Variants in ADRA1A observed in about 807,000 individuals in gnomAD.
The protein encoded by ADRA1A is alpha-1A adrenergic receptor.
ADRA1A carries 31 observed loss-of-function variants against 29.6 expected under a neutral mutation model. The observed-to-expected ratio is 1.05, with a 90% CI of 0.79 to 1.41. The LOEUF is 1.41. Among genes scored for constraint, ADRA1A ranks in the 40% most tolerant of loss-of-function variants. The pLI, the probability that ADRA1A is intolerant of heterozygous loss-of-function variation, is 0.00. For synonymous variants in ADRA1A, 311 were observed against 254.3 expected (o/e 1.22, Z -2.12); for missense variants, 619 against 601.1 (o/e 1.03, Z -0.31).
rs368076497 is a variant in ADRA1A at position 26,851,527 on chromosome 8, C to A, written c.883+12560G>T. Among the ~76,000 whole-genome samples the A allele has an allele frequency of 1.6e-4, 25 of 152,222 alleles. No individual in the cohort carries two copies. In the South Asian group the frequency reaches 5.2e-3, roughly 32 times the overall value. On this transcript the variant is annotated intron_variant, in intron 2 of 2. Coordinates refer to ENST00000380573, the MANE Select transcript of ADRA1A (RefSeq NM_000680.4). ...GTTAAATCCTTATTAAGGACAAATA[C>A]CCATATTAGAAACATGGATTATGAG...
intron 2 of ADRA1A, among the ~76,000 whole-genome samples, chr8:26,794,289 T>C (rs1808036499): frequency 6.6e-6 from 1 of 152,138 alleles, no homozygotes; most frequent in African/African-American, 2.4e-5. Flanking sequence ...TTTATCTGTC[T>C]CTTCATTGTT....
At chr8:26,758,622 G>A (rs894916887) in intron 2 of ADRA1A, among the ~76,000 whole-genome samples, 1 of 152,188 alleles carries the variant, frequency 6.6e-6, no homozygotes, top group African/African-American at 2.4e-5. Context: ...ACAGAGATGG[G>A]AACTGCAATG....
At position 26,796,065 on chromosome 8, in the gene ADRA1A, C is replaced by T. The variant is rs1808171184; in HGVS notation, c.884-25399G>A. On this transcript the variant is annotated intron_variant, in intron 2 of 2. Transcript: ENST00000380573. The surrounding 1 kb of genome is among the most constrained non-coding windows in gnomAD (Gnocchi z 5.0). Reference sequence around the variant, plus strand: ...ATAATAGTATTATTGTTATACATTTCAAAAAAAGAGTAATGTTTAGAAGTA... The same window carrying T: ...ATAATAGTATTATTGTTATACATTTTAAAAAAAGAGTAATGTTTAGAAGTA... Among the ~76,000 whole-genome samples the T allele has an allele frequency of 6.6e-6, 1 of 151,612 alleles. No homozygotes were observed. Among genetic ancestry groups the T allele is most frequent in the Non-Finnish European group, 1.5e-5 (1 of 67,896 alleles).
chr8:26,780,997 T>G (rs1448920594), intron 2 of ADRA1A, among the ~76,000 whole-genome samples: 1 of 152,174 alleles, frequency 6.6e-6, no homozygotes, highest in Non-Finnish European at 1.5e-5. Context: ...TATTACAATG[T>G]AATAAGAATA....
At position 26,769,733 on chromosome 8, in the gene ADRA1A, G is replaced by A. The variant is rs528303567; in HGVS notation, c.*416C>T. On this transcript the variant is annotated 3_prime_UTR_variant, in exon 3 of 3. Coordinates refer to ENST00000380573, the MANE Select transcript of ADRA1A (RefSeq NM_000680.4). ...AAATGTCAAATGTGGCTGTCAGTAG[G>A]TTGAGCCTGAAAATAAAATCCCCTC... 1.0e-6 allele frequency: 1 copy of A among 990,686 alleles called. No homozygotes were observed. Among genetic ancestry groups the A allele is most frequent in the East Asian group, 1.1e-4 (1 of 8,960 alleles). The allele number at this position is 990,686 out of a possible 1,614,324, so 61.4% of individuals were successfully genotyped here. A position where few individuals can be genotyped will look rare whatever the true frequency, so the allele number is the denominator to read the frequency against.
At chr8:26,784,755 T>G (rs997478934) in intron 2 of ADRA1A, among the ~76,000 whole-genome samples, 4 of 152,168 alleles carry the variant, frequency 2.6e-5, no homozygotes, top group African/African-American at 4.8e-5. Flanking sequence ...TCATAAGGCT[T>G]ATACTATCTA....
At chr8:26,857,601 C>T (rs1323956042) in intron 2 of ADRA1A, among the ~76,000 whole-genome samples, 2 of 151,956 alleles carry the variant, frequency 1.3e-5, no homozygotes, top group African/African-American at 4.8e-5. Flanking sequence ...AGTTCGAGGC[C>T]GCAGTGAGCT....
At position 26,775,140 on chromosome 8, in the gene ADRA1A, G is replaced by T. The variant is rs1806454398; in HGVS notation, c.884-4474C>A. Among the ~76,000 whole-genome samples, 1 of 152,194 alleles carries T rather than the reference G, an allele frequency of 6.6e-6. No individual in the cohort carries two copies. The highest frequency in any genetic ancestry group is 6.5e-5 in the Admixed American group (1 of 15,284). ...CTCCAGAATCCAGTAAAATGCTAGA[G>T]TCTTGAAGGCATTCTCCTAGTTTTT... is the stretch of plus-strand genomic sequence containing the variant. On this transcript the variant is annotated intron_variant, in intron 2 of 2. Coordinates refer to ENST00000380573, the MANE Select transcript of ADRA1A (RefSeq NM_000680.4). The surrounding 1 kb of genome is among the most constrained non-coding windows in gnomAD (Gnocchi z 4.1).
At chr8:26,773,346 A>G (rs1024128827) in intron 2 of ADRA1A, among the ~76,000 whole-genome samples, 1 of 152,252 alleles carries the variant, frequency 6.6e-6, no homozygotes, top group African/African-American at 2.4e-5. Context: ...TAATGCCAAC[A>G]TGACTGATGG....
At chr8:26,811,084 C>T (rs561136023) in intron 2 of ADRA1A, among the ~76,000 whole-genome samples, 1 of 152,194 alleles carries the variant, frequency 6.6e-6, no homozygotes, top group East Asian at 1.9e-4. Context: ...CATAGATGAA[C>T]CTTGGGTGCA....
intron 2 of ADRA1A, among the ~76,000 whole-genome samples, chr8:26,802,278 G>A (rs1378329220): frequency 6.6e-6 from 1 of 152,092 alleles, no homozygotes; most frequent in Non-Finnish European, 1.5e-5. Flanking sequence ...AATCTACAAA[G>A]TGAAGACACA....
chr8:26,814,891 T>A (rs1293442177), intron 2 of ADRA1A, among the ~76,000 whole-genome samples: 5 of 152,204 alleles, frequency 3.3e-5, no homozygotes, highest in Non-Finnish European at 5.9e-5. Context: ...TTAAAATATG[T>A]CTCTCTTCTT....
intron 2 of ADRA1A, among the ~76,000 whole-genome samples, chr8:26,788,470 T>C (rs1807569924): frequency 6.6e-6 from 1 of 152,224 alleles, no homozygotes; most frequent in Admixed American, 6.5e-5. Flanking sequence ...CATGATCTCA[T>C]AACCCATGTG....
chr8:26,844,097 T>C (rs1196836514), intron 2 of ADRA1A, among the ~76,000 whole-genome samples: 1 of 152,204 alleles, frequency 6.6e-6, no homozygotes, highest in Non-Finnish European at 1.5e-5. Flanking sequence ...TTTCAGATTT[T>C]ATAAAGGTCA....
chr8:26,748,582 T>A (rs1361695143), exon 3 of ADRA1A: 2 of 412,904 alleles, frequency 4.8e-6, no homozygotes, highest in Non-Finnish European at 9.6e-6. Context: ...CTACTAAAAA[T>A]ACAAAAATTA....
rs937158696 is a variant in ADRA1A at position 26,769,660 on chromosome 8, A to C, written c.*489T>G. On this transcript the variant is annotated 3_prime_UTR_variant, in exon 3 of 3. Coordinates refer to ENST00000380573, the MANE Select transcript of ADRA1A (RefSeq NM_000680.4). ...CTTGCTCTAAAAATAATGTGTCTGG[A>C]TCTCGGCCACCATCTTAATGCTCTT... is the stretch of plus-strand genomic sequence containing the variant. 2 of 985,858 alleles carry C rather than the reference A, an allele frequency of 2.0e-6. No individual in the cohort carries two copies. The highest frequency in any genetic ancestry group is 1.7e-5 in the African/African-American group (1 of 57,238). 61.1% of individuals were successfully genotyped at this position (985,858 alleles called of 1,614,324 possible).
chr8:26,789,954 C>A (rs1296517582), intron 2 of ADRA1A, among the ~76,000 whole-genome samples: 1 of 152,054 alleles, frequency 6.6e-6, no homozygotes, highest in Non-Finnish European at 1.5e-5. Flanking sequence ...AAAAACATAA[C>A]AAATGCTGGT....
intron 2 of ADRA1A, among the ~76,000 whole-genome samples, chr8:26,859,507 G>T (rs1813291380): frequency 6.6e-6 from 1 of 152,156 alleles, no homozygotes; most frequent in Non-Finnish European, 1.5e-5. Context: ...TGCAATAATT[G>T]TTGACAATTT....
At chr8:26,786,982 A>G (rs983175414) in intron 2 of ADRA1A, among the ~76,000 whole-genome samples, 1 of 152,210 alleles carries the variant, frequency 6.6e-6, no homozygotes, top group African/African-American at 2.4e-5. Flanking sequence ...AAAATATTAC[A>G]CAAACATTAT....
Sources: gnomAD v4.1 joint callset for allele counts (sites outside exome capture counted in the v4.1 genomes callset) on GRCh38, gnomAD v4.1.1 for gene constraint, Gnocchi (gnomAD v3.1) non-coding constraint, MANE v1.5 for transcripts, NCBI Gene and HGNC (gene_info 2026-07-23, HGNC 2026-07-21) for gene names.